The following NEBL variants were observed in gnomAD, a reference collection of about 807,000 sequenced individuals.
NEBL encodes LIM and SH3 protein 2.
Under a neutral mutation model 140.2 loss-of-function variants are expected in NEBL, and 122 were observed. The ratio of observed to expected loss-of-function variants is 0.87; its 90% CI spans 0.75 to 1.01. The LOEUF (loss-of-function observed/expected upper bound fraction) is 1.01. Among genes scored for constraint, NEBL ranks in the 50% least tolerant of loss-of-function variants. The pLI, the probability that NEBL is intolerant of heterozygous loss-of-function variation, is 0.00. For synonymous variants in NEBL, 436 were observed against 398.9 expected (o/e 1.09, Z -1.11); for missense variants, 1,365 against 1,231.3 (o/e 1.11, Z -1.62).
intron 17 of NEBL, among the ~76,000 whole-genome samples, chr10:20,827,919 T>C (rs1840037774): frequency 6.6e-6 from 1 of 151,936 alleles, no homozygotes; most frequent in Non-Finnish European, 1.5e-5. Context: ...CAGGGGCCTA[T>C]CAGAGGGTGA....
At chr10:20,791,621 C>T (rs1221572892) in intron 26 of NEBL, among the ~76,000 whole-genome samples, 1 of 152,016 alleles carries the variant, frequency 6.6e-6, no homozygotes, top group East Asian at 1.9e-4. Flanking sequence ...TCTCAAATTC[C>T]CAGTCTCAAG....
chr10:21,095,351 A>G (rs1331993880), intron 2 of NEBL, among the ~76,000 whole-genome samples: 1 of 152,056 alleles, frequency 6.6e-6, no homozygotes, highest in African/African-American at 2.4e-5. Context: ...TAAGACGAAC[A>G]TGGTCAGAGT....
chr10:20,957,285 C>G (rs1261156153), intron 4 of NEBL, among the ~76,000 whole-genome samples: 1 of 152,028 alleles, frequency 6.6e-6, no homozygotes, highest in Non-Finnish European at 1.5e-5. Flanking sequence ...ATTTTACATT[C>G]TAAGAAGTCA....
chr10:20,935,293 A>G (rs541255809), intron 4 of NEBL, among the ~76,000 whole-genome samples: 28 of 152,372 alleles, frequency 1.8e-4, no homozygotes, highest in African/African-American at 6.7e-4. Context: ...TGGATAAAAA[A>G]TAACAGAAAT....
chr10:20,889,917 C>T lies in NEBL; in HGVS notation c.186G>A (p.Lys62=). 1 of 1,610,182 alleles carries T rather than the reference C, an allele frequency of 6.2e-7. No individual in the cohort carries two copies. The highest frequency in any genetic ancestry group is 8.5e-7 in the Non-Finnish European group (1 of 1,177,434). Residue 62 remains lysine, a synonymous_variant, in exon 3 of 28, where the codon AAG becomes AAA. Transcript: ENST00000377122. ...IRYKEEFKKS[K]DKCTFVTDSP... Reference sequence around the variant, plus strand: ...TGTCAGTCACAAATGTACACTTATCCTTGGACTTTTTAAACTCTTCTTTAT... The same window carrying T: ...TGTCAGTCACAAATGTACACTTATCTTTGGACTTTTTAAACTCTTCTTTAT...
intron 2 of NEBL, among the ~76,000 whole-genome samples, chr10:21,035,530 A>G (rs146177673): frequency 6.6e-5 from 10 of 152,312 alleles, no homozygotes; most frequent in Non-Finnish European, 1.2e-4. Flanking sequence ...TTCTTTAAAT[A>G]TACTTATTCC....
At chr10:21,259,910 C>T (rs559333944) in intron 1 of NEBL, among the ~76,000 whole-genome samples, 23 of 152,184 alleles carry the variant, frequency 1.5e-4, no homozygotes, top group Non-Finnish European at 1.5e-5. Flanking sequence ...GGAAGCATGT[C>T]ACCCTGAAGG....
intron 7 of NEBL, among the ~76,000 whole-genome samples, chr10:20,861,325 T>A (rs1843678471): frequency 6.6e-6 from 1 of 152,092 alleles, no homozygotes. Context: ...CTACAGGTGC[T>A]CGCCACCACG....
At chr10:21,105,221 A>G (rs1242688955) in intron 2 of NEBL, among the ~76,000 whole-genome samples, 1 of 152,158 alleles carries the variant, frequency 6.6e-6, no homozygotes. Flanking sequence ...TCGGGGATAC[A>G]TGTGCAGAAC....
chr10:21,165,456 C>T (rs1203539617), intron 2 of NEBL, among the ~76,000 whole-genome samples: 2 of 152,224 alleles, frequency 1.3e-5, no homozygotes, highest in Non-Finnish European at 2.9e-5. Flanking sequence ...TCTTCTGGAT[C>T]ATGCAAGCTC....
chr10:21,105,150 G>A (rs189416207), intron 2 of NEBL, among the ~76,000 whole-genome samples: 9 of 152,052 alleles, frequency 5.9e-5, no homozygotes, highest in Middle Eastern at 3.4e-3. Flanking sequence ...TTTTACATAC[G>A]TGTTCATGAA....
At chr10:20,840,056 G>A (rs186647072) in intron 13 of NEBL, among the ~76,000 whole-genome samples, 3 of 152,182 alleles carry the variant, frequency 2.0e-5, no homozygotes, top group Admixed American at 2.0e-4. Flanking sequence ...AGTTTGAGTT[G>A]GGTTTCTGTC....
intron 2 of NEBL, among the ~76,000 whole-genome samples, chr10:21,065,879 G>C (rs1835513394): frequency 6.6e-6 from 1 of 152,226 alleles, no homozygotes; most frequent in Non-Finnish European, 1.5e-5. Context: ...TTAACAAAGG[G>C]AGGGTGATGG....
rs144415419 is a variant in NEBL at position 21,041,310 on chromosome 10, G to A, written c.165-21109C>T. Reference sequence around the variant, plus strand: ...TTATGAAGGAGAACATGCGGTATTTGGTTTTCTGTTCCAGCTTCATTCTAG... The same window carrying A: ...TTATGAAGGAGAACATGCGGTATTTAGTTTTCTGTTCCAGCTTCATTCTAG... On this transcript the variant is annotated intron_variant, in intron 2 of 6. Coordinates refer to the NEBL transcript ENST00000417816. 1.1e-4 allele frequency among the ~76,000 whole-genome samples: 17 copies of A among 152,280 alleles called. No individual in the cohort carries two copies. In the East Asian group the frequency reaches 3.1e-3, roughly 28 times the overall value.
Position 20,857,531 on chromosome 10 carries a change from GC to G in NEBL, c.903+708del, listed in dbSNP as rs1843201890. Reference sequence around the variant, plus strand: ...GGAAATAACTTATGGTCAAATAAGAGCTCATTGCCACCATGAGATGTACAAA... The same window carrying G: ...GGAAATAACTTATGGTCAAATAAGAGTCATTGCCACCATGAGATGTACAAA... On this transcript the variant is annotated intron_variant, in intron 9 of 27. Transcript: ENST00000377122. 2.6e-5 allele frequency among the ~76,000 whole-genome samples: 4 copies of G among 152,272 alleles called. No homozygotes were observed. The South Asian group carries it at 8.3e-4, about 32-fold the overall frequency.
intron 3 of NEBL, among the ~76,000 whole-genome samples, chr10:21,197,786 G>A (rs1452941736): frequency 6.6e-6 from 1 of 152,202 alleles, no homozygotes; most frequent in African/African-American, 2.4e-5. Context: ...CTACATACCA[G>A]TGAAACTACT....
intron 2 of NEBL, among the ~76,000 whole-genome samples, chr10:21,074,877 C>T (rs944988445): frequency 7.2e-5 from 11 of 152,056 alleles, no homozygotes; most frequent in Non-Finnish European, 1.5e-4. Context: ...GATCTCACCT[C>T]ACTGCAGCTT....
chr10:21,210,210 G>A (rs1841894176), intron 3 of NEBL, among the ~76,000 whole-genome samples: 1 of 152,058 alleles, frequency 6.6e-6, no homozygotes, highest in Non-Finnish European at 1.5e-5. Context: ...TGGACAACAT[G>A]GTGAAACCCT....
intron 3 of NEBL, among the ~76,000 whole-genome samples, chr10:20,963,689 C>T (rs1278270484): frequency 6.6e-6 from 1 of 152,208 alleles, no homozygotes; most frequent in Admixed American, 6.5e-5. Context: ...GCCACCACCA[C>T]ACCCAGCCTA....
Sources: allele counts gnomAD v4.1 joint callset (sites outside exome capture counted in the v4.1 genomes callset), GRCh38; gene constraint gnomAD v4.1.1; transcripts MANE v1.5; gene names NCBI Gene and HGNC (gene_info 2026-07-23, HGNC 2026-07-21).